Variants in EIF4G3 observed in about 807,000 individuals in gnomAD.
The protein encoded by EIF4G3 is eIF-4-gamma 3.
Under a neutral mutation model 186.4 loss-of-function variants are expected in EIF4G3, and 34 were observed. The ratio of observed to expected loss-of-function variants is 0.18; its 90% CI spans 0.14 to 0.24. The LOEUF (loss-of-function observed/expected upper bound fraction) is 0.24, where lower values mean the gene tolerates loss of function less well. Among genes scored for constraint, EIF4G3 ranks in the 10% least tolerant of loss-of-function variants. EIF4G3 has a pLI of 1.00. For synonymous variants in EIF4G3, 673 were observed against 679.5 expected (o/e 0.99, Z 0.15); for missense variants, 1,536 against 1,948.5 (o/e 0.79, Z 3.99).
In EIF4G3 at chr1:21,043,975, A is replaced by G. The variant is rs150896072; in HGVS notation, c.-67+6891T>C. ...TTGCTTTATAAATATGGTTGCAACTAATTTTTTAAATAAAAACAAAAAATG... is the reference window on the plus strand; with the variant it reads ...TTGCTTTATAAATATGGTTGCAACTGATTTTTTAAATAAAAACAAAAAATG... On this transcript the variant is annotated intron_variant, in intron 4 of 36. Coordinates refer to ENST00000602326, the MANE Select transcript of EIF4G3 (RefSeq NM_001391906.1). Among the ~76,000 whole-genome samples the G allele has an allele frequency of 3.3e-5, 5 of 152,298 alleles. No homozygotes were observed. The East Asian group carries it at 9.6e-4, about 29-fold the overall frequency.
chr1:20,808,814 G>A (rs960237097), intron 36 of EIF4G3, among the ~76,000 whole-genome samples: 2 of 151,688 alleles, frequency 1.3e-5, no homozygotes, highest in East Asian at 1.9e-4. Flanking sequence ...TTTAATTCTC[G>A]GTTTTACTCT....
At chr1:20,939,403 A>G (rs1558331055) in intron 14 of EIF4G3, among the ~76,000 whole-genome samples, 1 of 152,202 alleles carries the variant, frequency 6.6e-6, no homozygotes, top group Non-Finnish European at 1.5e-5. Flanking sequence ...GGTGTTCACA[A>G]TACTAATATT....
At chr1:20,860,161 T>C (rs756655867) in intron 24 of EIF4G3, among the ~76,000 whole-genome samples, 1 of 152,230 alleles carries the variant, frequency 6.6e-6, no homozygotes, top group South Asian at 2.1e-4. Context: ...TAAAGTCTTA[T>C]TGCTTACTGG....
intron 32 of EIF4G3, among the ~76,000 whole-genome samples, chr1:20,827,183 C>A (rs1316673233): frequency 6.6e-6 from 1 of 152,180 alleles, no homozygotes; most frequent in Non-Finnish European, 1.5e-5. Flanking sequence ...CTTCCCCAAA[C>A]CTCTTAGACT....
At chr1:20,862,204 A>G (rs769688171) in intron 23 of EIF4G3, 24 bp downstream of exon 23, 1 of 1,358,698 alleles carries the variant, frequency 7.4e-7, no homozygotes, top group Admixed American at 1.9e-5. Context: ...CAGCAGGCTT[A>G]TTATTATTTT....
At chr1:20,887,616 A>G (rs1340493192) in intron 18 of EIF4G3, among the ~76,000 whole-genome samples, 1 of 151,680 alleles carries the variant, frequency 6.6e-6, no homozygotes, top group African/African-American at 2.4e-5. Context: ...CTAAGGATAC[A>G]GTACTGATGA....
In EIF4G3 at chr1:20,831,177, C is replaced by T. The variant is rs193281525; in HGVS notation, c.4062-1905G>A. On this transcript the variant is annotated intron_variant, in intron 30 of 36. Coordinates refer to ENST00000602326, the MANE Select transcript of EIF4G3 (RefSeq NM_001391906.1). ...ATAGATGAGACTGCAGATATCCCTC[C>T]GCCCATTTCAACTACAAAAGCTCCA... Among the ~76,000 whole-genome samples the T allele has an allele frequency of 1.9e-3, 292 of 152,236 alleles. 4 individuals carry two copies. Among genetic ancestry groups the T allele is most frequent in the Non-Finnish European group, 2.5e-3 (173 of 68,024 alleles).
At chr1:21,043,620 G>A (rs546999381) in intron 4 of EIF4G3, among the ~76,000 whole-genome samples, 3 of 152,214 alleles carry the variant, frequency 2.0e-5, no homozygotes, top group Admixed American at 1.3e-4. Flanking sequence ...GGCCAGGCAC[G>A]GTGGCTCACA....
At chr1:20,990,285 C>A (rs1471928986) in intron 7 of EIF4G3, among the ~76,000 whole-genome samples, 1 of 152,214 alleles carries the variant, frequency 6.6e-6, no homozygotes, top group East Asian at 1.9e-4. Context: ...CTACCCTGAT[C>A]AGTCAGCACC....
At chr1:21,008,127 T>C (rs1172942837) in intron 4 of EIF4G3, among the ~76,000 whole-genome samples, 1 of 152,036 alleles carries the variant, frequency 6.6e-6, no homozygotes, top group Non-Finnish European at 1.5e-5. Flanking sequence ...GGCGACAGAG[T>C]GAGAACCTGT....
At chr1:20,997,419 T>A (rs992276948) in intron 7 of EIF4G3, among the ~76,000 whole-genome samples, 182 bp downstream of exon 7, 2 of 152,116 alleles carry the variant, frequency 1.3e-5, no homozygotes, top group Non-Finnish European at 2.9e-5. Context: ...ATGGATTTGT[T>A]AATAACAAAA....
chr1:20,866,259 C>T (rs1015502102), intron 20 of EIF4G3, among the ~76,000 whole-genome samples: 1 of 152,162 alleles, frequency 6.6e-6, no homozygotes, highest in East Asian at 1.9e-4. Flanking sequence ...TTGATCAAGG[C>T]TGGATGGCTA....
At chr1:20,858,404 T>C (rs1337026558) in intron 24 of EIF4G3, among the ~76,000 whole-genome samples, 2 of 152,042 alleles carry the variant, frequency 1.3e-5, no homozygotes, top group Non-Finnish European at 2.9e-5. Context: ...TGCCTAAAAG[T>C]CTCTTTCCCC....
intron 12 of EIF4G3, among the ~76,000 whole-genome samples, chr1:20,951,094 G>C (rs184257547): frequency 7.2e-5 from 11 of 151,932 alleles, no homozygotes; most frequent in Non-Finnish European, 1.3e-4. Context: ...CTGGGGAGTA[G>C]GGATGGGGAG....
intron 30 of EIF4G3, among the ~76,000 whole-genome samples, chr1:20,833,274 T>C (rs567624318): frequency 1.3e-4 from 20 of 151,754 alleles, no homozygotes; most frequent in African/African-American, 4.6e-4. Flanking sequence ...GTTTGTATCC[T>C]CTTTTATTTC....
At chr1:21,066,335 A>G (rs1040196821) in intron 3 of EIF4G3, among the ~76,000 whole-genome samples, 2 of 152,020 alleles carry the variant, frequency 1.3e-5, no homozygotes, top group Admixed American at 6.6e-5. Context: ...ATTAAAAAAA[A>G]TAAAGTTACT....
Position 21,125,113 on chromosome 1 carries a change from T to C in EIF4G3, c.-271-35900A>G, listed in dbSNP as rs1465013812. Among the ~76,000 whole-genome samples, 4 of 152,188 alleles carry C rather than the reference T, an allele frequency of 2.6e-5. No individual in the cohort carries two copies. The East Asian group carries it at 7.7e-4, about 29-fold the overall frequency. ...AGGGAAGAAATTTATTTTAATTACA[T>C]ACCCACTTAAAGCTGCTGATTTCTC... is the stretch of plus-strand genomic sequence containing the variant. On this transcript the variant is annotated intron_variant, in intron 2 of 36. Coordinates refer to ENST00000602326, the MANE Select transcript of EIF4G3 (RefSeq NM_001391906.1).
At chr1:20,958,479 A>G (rs1461984232) in intron 12 of EIF4G3, among the ~76,000 whole-genome samples, 2 of 152,200 alleles carry the variant, frequency 1.3e-5, no homozygotes, top group Non-Finnish European at 2.9e-5. Context: ...TCTCCCTGAC[A>G]ACAGGAACAA....
At chr1:21,001,759 G>T (rs1415628005) in intron 5 of EIF4G3, among the ~76,000 whole-genome samples, 1 of 152,166 alleles carries the variant, frequency 6.6e-6, no homozygotes, top group Non-Finnish European at 1.5e-5. Context: ...AAAAGGATAA[G>T]AAAGAGATTA....
Sources: gnomAD v4.1 joint callset for allele counts (sites outside exome capture counted in the v4.1 genomes callset) on GRCh38, gnomAD v4.1.1 for gene constraint, MANE v1.5 for transcripts, NCBI Gene and HGNC (gene_info 2026-07-23, HGNC 2026-07-21) for gene names.